Variants in TKT observed in about 807,000 individuals in gnomAD.
The protein encoded by TKT is transketolase, also known as epididymis luminal protein 107.
A neutral mutation model predicts 63.9 loss-of-function variants in TKT; 47 were observed. That is an observed-to-expected ratio of 0.74 (90% CI 0.58 to 0.94). The LOEUF is 0.94. TKT is among the 40% of genes least tolerant of loss of function. The pLI is 0.00. For synonymous variants in TKT, 338 were observed against 334.1 expected, an observed-to-expected ratio of 1.01 and a Z score of -0.13; for missense variants, 721 against 846.2, an observed-to-expected ratio of 0.85 and a Z score of 1.84.
At chr3:53,236,676 G>A (rs1705046271) in intron 4 of TKT, among the ~76,000 whole-genome samples, 1 of 152,222 alleles carries the variant, frequency 6.6e-6, no homozygotes, top group Non-Finnish European at 1.5e-5. Flanking sequence ...GCAACTGGCT[G>A]CCACCCCAAG....
chr3:53,235,041 C>G lies in TKT; in HGVS notation c.571G>C (p.Asp191His). The change falls in exon 5 of 14, where the codon GAC becomes CAC. Residue 191 changes from aspartate to histidine, a missense_variant. Transcript: ENST00000462138. The stretch of plus-strand genomic sequence containing the variant: ...ATCTGGTGCTGCAGTGGGGCCGGGT[C>G]ACTCTGGCCCAGGCGATTGATGTCT... ...ILDINRLGQS[D>H]PAPLQHQMDI... The G allele has an allele frequency of 6.2e-7, 1 of 1,613,976 alleles. No homozygotes were observed. The highest frequency in any genetic ancestry group is 1.1e-5 in the South Asian group (1 of 91,068).
chr3:53,235,234 C>A (rs1704967945), intron 4 of TKT, 60 bp from the exon 5 acceptor site: 2 of 1,356,872 alleles, frequency 1.5e-6, no homozygotes, highest in South Asian at 1.5e-5. Flanking sequence ...GGCTCCCACC[C>A]CCCCACCCAT....
intron 1 of TKT, among the ~76,000 whole-genome samples, chr3:53,255,609 G>A (rs1267106235): frequency 1.3e-5 from 2 of 152,170 alleles, no homozygotes; most frequent in Non-Finnish European, 2.9e-5. Context: ...CGGAGGACCA[G>A]AGGCCCACGC....
chr3:53,247,979 G>T (rs1575574000), intron 1 of TKT, among the ~76,000 whole-genome samples: 1 of 152,194 alleles, frequency 6.6e-6, no homozygotes, highest in Non-Finnish European at 1.5e-5. Context: ...CCACAGGCTT[G>T]AATAGTACCA....
intron 7 of TKT, 39 bp from the exon 8 acceptor site, chr3:53,230,660 AG>A (rs1704712673): frequency 6.2e-7 from 1 of 1,611,676 alleles, no homozygotes; most frequent in South Asian, 1.1e-5. Context: ...GACCCCTCTG[AG>A]GGTGAGTGCA....
Position 53,235,027 on chromosome 3 carries a change from C to T in TKT, c.585G>A (p.Leu195=). 6.2e-7 allele frequency: 1 copy of T among 1,613,896 alleles called. No individual in the cohort carries two copies. ...NRLGQSDPAP[L]QHQMDIYQKR... ...TCTGGTAGATGTCCATCTGGTGCTG[C>T]AGTGGGGCCGGGTCACTCTGGCCCA... Residue 195 remains leucine, a synonymous_variant, in exon 5 of 14, where the codon CTG becomes CTA. Transcript: ENST00000462138.
chr3:53,236,952 T>TTG (rs1705060352), intron 4 of TKT, among the ~76,000 whole-genome samples: 1 of 152,178 alleles, frequency 6.6e-6, no homozygotes, highest in African/African-American at 2.4e-5. Flanking sequence ...ATGAACTAAT[T>TTG]TGAAGAGAGG....
At chr3:53,253,534 G>A (rs1575577231) in intron 1 of TKT, among the ~76,000 whole-genome samples, 1 of 152,224 alleles carries the variant, frequency 6.6e-6, no homozygotes, top group East Asian at 1.9e-4. Context: ...ACTTCGGGAG[G>A]CCGAGGTGGG....
At chr3:53,228,418 G>T (rs963400994) in intron 10 of TKT, 59 bp from the exon 11 acceptor site, 1 of 1,583,684 alleles carries the variant, frequency 6.3e-7, no homozygotes. Flanking sequence ...CCTCAGAGAC[G>T]AGGTCTTTCT....
intron 8 of TKT, 86 bp downstream of exon 8, chr3:53,230,371 G>A: frequency 1.9e-6 from 3 of 1,562,390 alleles, no homozygotes; most frequent in South Asian, 2.3e-5. Flanking sequence ...GCAGGCACCT[G>A]GCTCTGCCAA....
intron 1 of TKT, among the ~76,000 whole-genome samples, chr3:53,249,319 T>C (rs182254921): frequency 6.6e-6 from 1 of 152,050 alleles, no homozygotes; most frequent in East Asian, 2.0e-4. Context: ...GGCTCACGCC[T>C]GTAATCCCAA....
In TKT at chr3:53,229,018, C is replaced by T. The variant is rs781856744; in HGVS notation, c.1384G>A (p.Ala462Thr). 117 of 1,614,046 alleles carry T rather than the reference C, an allele frequency of 7.2e-5. 1 individual carries two copies. The East Asian group carries it at 1.4e-3, about 19-fold the overall frequency. Residue 462 changes from alanine to threonine, a missense_variant, in exon 10 of 14, where the codon GCC becomes ACC. Ala to Thr is a moderately conservative substitution (Grantham distance 58). Transcript: ENST00000462138. ...VATEKAVELAANTKGICFIRT... is the reference protein window; with the variant it reads ...VATEKAVELATNTKGICFIRT... ...GCCATGCAACCTACCTTTGTATTGG[C>T]GGCTAGTTCCACTGCCTTCTCTGTA...
Position 53,255,990 on chromosome 3 carries a change from C to G in TKT, c.-48G>C. On this transcript the variant is annotated 5_prime_UTR_variant, in exon 1 of 14. Coordinates refer to ENST00000462138, the MANE Select transcript of TKT (RefSeq NM_001064.4). The stretch of plus-strand genomic sequence containing the variant: ...CGCACACGCGGACACACAGAGATAG[C>G]GGCTGCTCCCGCGGCGACAGGCGGC... 1 of 1,281,288 alleles carries G rather than the reference C, an allele frequency of 7.8e-7. No homozygotes were observed. Among genetic ancestry groups the G allele is most frequent in the South Asian group, 1.7e-5 (1 of 59,568 alleles). 79.4% of individuals were successfully genotyped at this position (1,281,288 alleles called of 1,614,324 possible).
chr3:53,239,733 C>G (rs1469435876), intron 4 of TKT, among the ~76,000 whole-genome samples: 1 of 152,202 alleles, frequency 6.6e-6, no homozygotes, highest in African/African-American at 2.4e-5. Flanking sequence ...AAGGCTCAAT[C>G]TCTCAAATGT....
intron 13 of TKT, 100 bp downstream of exon 13, chr3:53,226,656 C>T (rs962439613): frequency 1.3e-6 from 2 of 1,561,868 alleles, no homozygotes; most frequent in East Asian, 4.5e-5. Context: ...GTGTTCTGGG[C>T]CACAGCTGCC....
At chr3:53,247,348 ACT>A (rs1478732244) in intron 1 of TKT, among the ~76,000 whole-genome samples, 1 of 115,090 alleles carries the variant, frequency 8.7e-6, no homozygotes, top group African/African-American at 3.3e-5. Context: ...CAAGAGTGAA[ACT>A]CAGCCTCAAA....
chr3:53,231,049 C>T (rs1312012488), intron 7 of TKT, among the ~76,000 whole-genome samples: 2 of 152,186 alleles, frequency 1.3e-5, no homozygotes, highest in Admixed American at 6.5e-5. Context: ...GAGCTCAGGC[C>T]AAGGGTCCCT....
At chr3:53,232,904 C>G in intron 6 of TKT, 1 of 483,062 alleles carries the variant, frequency 2.1e-6, no homozygotes, top group Non-Finnish European at 3.7e-6. Context: ...CTCTCACCCA[C>G]AGACCCTCCA....
At chr3:53,232,998 G>C (rs892050336) in intron 6 of TKT, 158 bp downstream of exon 6, 4 of 638,976 alleles carry the variant, frequency 6.3e-6, no homozygotes, top group African/African-American at 5.5e-5. Context: ...TCAGCCACAG[G>C]GGTCACTGAG....
Sources: gnomAD v4.1 joint callset for allele counts (sites outside exome capture counted in the v4.1 genomes callset) on GRCh38, gnomAD v4.1.1 for gene constraint, MANE v1.5 for transcripts, NCBI Gene and HGNC (gene_info 2026-07-23, HGNC 2026-07-21) for gene names.